The following KCNJ3 variants were observed in gnomAD, a reference collection of about 807,000 sequenced individuals.
KCNJ3 encodes G protein-activated inward rectifier potassium channel 1.
KCNJ3 carries 4 observed loss-of-function variants against 39.2 expected under a neutral mutation model. The observed-to-expected ratio is 0.10, with a 90% confidence interval of 0.05 to 0.23. The LOEUF is 0.23. KCNJ3 is among the 10% of genes least tolerant of loss of function. KCNJ3 has a pLI of 1.00. For synonymous variants in KCNJ3, 230 were observed against 237.4 expected, an observed-to-expected ratio of 0.97 and a Z score of 0.29; for missense variants, 276 against 634.9, an observed-to-expected ratio of 0.43 and a Z score of 6.08.
At chr2:154,826,839 G>A (rs1291414794) in intron 2 of KCNJ3, among the ~76,000 whole-genome samples, 1 of 151,852 alleles carries the variant, frequency 6.6e-6, no homozygotes, top group African/African-American at 2.4e-5. Flanking sequence ...TGGATGTCAG[G>A]GGCGGGGTGA....
intron 2 of KCNJ3, among the ~76,000 whole-genome samples, chr2:154,790,766 C>T (rs1027250448): frequency 4.6e-5 from 7 of 151,906 alleles, no homozygotes; most frequent in Admixed American, 1.3e-4. Context: ...ACTTTTAATG[C>T]ATGTGATGAT....
intron 2 of KCNJ3, among the ~76,000 whole-genome samples, chr2:154,825,220 C>G (rs935152551): frequency 6.6e-6 from 1 of 152,140 alleles, no homozygotes; most frequent in Non-Finnish European, 1.5e-5. Flanking sequence ...CCTTTGGAAG[C>G]CTTCTCACTC....
chr2:154,772,247 G>T (rs1217526856), intron 2 of KCNJ3, among the ~76,000 whole-genome samples: 1 of 152,150 alleles, frequency 6.6e-6, no homozygotes, highest in Non-Finnish European at 1.5e-5. Context: ...AAAAGACAGG[G>T]TATTTTTGTA....
chr2:154,703,652 C>T (rs943667843), intron 1 of KCNJ3, among the ~76,000 whole-genome samples: 21 of 152,148 alleles, frequency 1.4e-4, no homozygotes, highest in South Asian at 6.2e-4. Context: ...CTAACCACAA[C>T]GATTCCTGAA....
intron 2 of KCNJ3, among the ~76,000 whole-genome samples, chr2:154,715,455 T>A: frequency 6.6e-6 from 1 of 152,322 alleles, no homozygotes; most frequent in African/African-American, 2.4e-5. Context: ...TTTCTGCCTT[T>A]TCTCATATAG....
intron 2 of KCNJ3, among the ~76,000 whole-genome samples, chr2:154,732,558 T>TA (rs1392804309): frequency 6.6e-6 from 1 of 152,050 alleles, no homozygotes; most frequent in Non-Finnish European, 1.5e-5. Flanking sequence ...TTTTGTGTGG[T>TA]AAAAAATTAT....
At chr2:154,771,042 A>C (rs1330991666) in intron 2 of KCNJ3, among the ~76,000 whole-genome samples, 2 of 151,482 alleles carry the variant, frequency 1.3e-5, no homozygotes, top group African/African-American at 4.8e-5. Flanking sequence ...GGCACACACC[A>C]CCATGCCCGG....
At chr2:154,769,626 G>A (rs1315091386) in intron 2 of KCNJ3, among the ~76,000 whole-genome samples, 1 of 152,100 alleles carries the variant, frequency 6.6e-6, no homozygotes, top group Non-Finnish European at 1.5e-5. Flanking sequence ...ATGTTCATCA[G>A]GGATATTGGT....
intron 2 of KCNJ3, among the ~76,000 whole-genome samples, chr2:154,839,160 T>C (rs1489556666): frequency 6.6e-6 from 1 of 152,178 alleles, no homozygotes; most frequent in African/African-American, 2.4e-5. Context: ...AGTGATCTCA[T>C]TGTTCAGTTT....
intron 2 of KCNJ3, among the ~76,000 whole-genome samples, chr2:154,750,443 C>T (rs1166659419): frequency 6.6e-6 from 1 of 151,844 alleles, no homozygotes; most frequent in Non-Finnish European, 1.5e-5. Flanking sequence ...ATGTTGTTCC[C>T]TAATGCAACG....
At chr2:154,707,310 C>A (rs1361303644) in intron 1 of KCNJ3, among the ~76,000 whole-genome samples, 1 of 151,870 alleles carries the variant, frequency 6.6e-6, no homozygotes, top group Non-Finnish European at 1.5e-5. Context: ...TATTTAAAAT[C>A]AGAAGGTATA....
intron 2 of KCNJ3, among the ~76,000 whole-genome samples, chr2:154,829,373 A>C (rs781533980): frequency 2.6e-5 from 4 of 152,104 alleles, no homozygotes; most frequent in Non-Finnish European, 4.4e-5. Context: ...AAGTGAGAAC[A>C]TGTAATATTT....
At position 154,854,599 on chromosome 2, in the gene KCNJ3, A is replaced by G. The variant is rs1343891911; in HGVS notation, c.920-128A>G. ...TAGAGTACAACTTTTAATCTATTCTATTATTCGGGCTTCAGATAAACAGTC... is the reference window on the plus strand; with the variant it reads ...TAGAGTACAACTTTTAATCTATTCTGTTATTCGGGCTTCAGATAAACAGTC... On this transcript the variant is annotated intron_variant, in intron 2 of 2. Transcript: ENST00000295101. The G allele has an allele frequency of 3.7e-5, 23 of 619,932 alleles. No individual in the cohort carries two copies. The East Asian group carries it at 5.4e-4, about 15-fold the overall frequency. The allele number at this position is 619,932 out of a possible 1,614,324, so 38.4% of individuals were successfully genotyped here.
At chr2:154,708,559 C>A (rs75103748) in intron 1 of KCNJ3, among the ~76,000 whole-genome samples, 3,426 of 152,216 alleles carry the variant, frequency 0.023, 123 homozygotes, top group East Asian at 0.15. Flanking sequence ...CACCTTCCCC[C>A]CATTTTTTTC....
chr2:154,796,626 A>T, intron 2 of KCNJ3, among the ~76,000 whole-genome samples: 1 of 127,058 alleles, frequency 7.9e-6, no homozygotes, highest in East Asian at 2.3e-4. Flanking sequence ...CTGAACTCAA[A>T]TCATGTTTTA....
At chr2:154,745,826 A>G (rs1685730388) in intron 2 of KCNJ3, among the ~76,000 whole-genome samples, 1 of 152,020 alleles carries the variant, frequency 6.6e-6, no homozygotes, top group Non-Finnish European at 1.5e-5. Flanking sequence ...CTACTTGAAC[A>G]GAGAAAGGTG....
At chr2:154,768,492 G>T (rs1574455135) in intron 2 of KCNJ3, among the ~76,000 whole-genome samples, 1 of 152,138 alleles carries the variant, frequency 6.6e-6, no homozygotes, top group East Asian at 1.9e-4. Flanking sequence ...AGATCAGATG[G>T]TTGTAGATGT....
intron 2 of KCNJ3, among the ~76,000 whole-genome samples, chr2:154,755,275 G>C (rs1425678722): frequency 3.3e-5 from 5 of 151,802 alleles, no homozygotes; most frequent in Admixed American, 1.3e-4. Context: ...TACTTCTTGA[G>C]ATTGATTAAC....
chr2:154,841,137 A>G (rs115790765), intron 2 of KCNJ3, among the ~76,000 whole-genome samples: 31,188 of 152,066 alleles, frequency 0.21, 3,502 homozygotes, highest in East Asian at 0.4. Flanking sequence ...AGAGTTTTTA[A>G]CATCAAGGGC....
Sources: allele counts gnomAD v4.1 joint callset (sites outside exome capture counted in the v4.1 genomes callset), GRCh38; gene constraint gnomAD v4.1.1; transcripts MANE v1.5; gene names NCBI Gene and HGNC (gene_info 2026-07-23, HGNC 2026-07-21).